The following OLFML2B variants were observed in gnomAD, a reference collection of about 807,000 sequenced individuals.
The protein encoded by OLFML2B is olfactomedin-like protein 2B.
OLFML2B carries 57 observed loss-of-function variants against 74.9 expected under a neutral mutation model. That is an observed-to-expected ratio of 0.76 (90% CI 0.61 to 0.95). OLFML2B has a LOEUF of 0.95. OLFML2B is among the 40% of genes least tolerant of loss of function. The pLI is 0.00. For synonymous variants in OLFML2B, 388 were observed against 405.8 expected, an observed-to-expected ratio of 0.96 and a Z score of 0.53; for missense variants, 986 against 970.6, an observed-to-expected ratio of 1.02 and a Z score of -0.21.
intron 3 of OLFML2B, 38 bp from the exon 4 acceptor site, chr1:162,006,511 C>G (rs760895923): frequency 1.4e-5 from 21 of 1,503,664 alleles, no homozygotes; most frequent in Non-Finnish European, 1.5e-5. Context: ...ATTAAAGCAC[C>G]CTGAAGACAA....
chr1:161,997,842 T>C lies in OLFML2B; in HGVS notation c.1457A>G (p.Asp486Gly), dbSNP rs1689955781. 6.2e-7 allele frequency: 1 copy of C among 1,613,076 alleles called. No individual in the cohort carries two copies. Among genetic ancestry groups the C allele is most frequent in the Admixed American group, 1.7e-5 (1 of 59,942 alleles). ...SPTLSPEEEDDIRNVIGRCKD... is the reference protein window; with the variant it reads ...SPTLSPEEEDGIRNVIGRCKD... ...GAACTTACCTATGACATTCCGGATG[T>C]CATCTTCTTCTTCGGGGCTCAGCGT... The change falls in exon 6 of 8, where the codon GAC becomes GGC. Residue 486 changes from aspartate to glycine, a missense_variant. Coordinates refer to ENST00000294794, the MANE Select transcript of OLFML2B (RefSeq NM_015441.3).
At chr1:161,997,698 A>G (rs1689951440) in intron 6 of OLFML2B, 127 bp downstream of exon 6, 1 of 1,000,810 alleles carries the variant, frequency 1.0e-6, no homozygotes, top group Non-Finnish European at 1.5e-6. Flanking sequence ...TCAAAGGCTT[A>G]ACTCCACTTG....
intron 5 of OLFML2B, among the ~76,000 whole-genome samples, chr1:161,998,660 A>G (rs1201842982): frequency 4.6e-5 from 7 of 152,112 alleles, no homozygotes. Flanking sequence ...CATCCAATCC[A>G]TCCTTCCAGC....
intron 5 of OLFML2B, among the ~76,000 whole-genome samples, chr1:161,999,008 G>A (rs375158178): frequency 4.6e-5 from 7 of 152,186 alleles, no homozygotes; most frequent in East Asian, 1.9e-4. Flanking sequence ...TGCGTGCAGC[G>A]GCCCAGGAGC....
intron 3 of OLFML2B, among the ~76,000 whole-genome samples, chr1:162,014,001 G>A (rs975735199): frequency 3.3e-5 from 5 of 151,556 alleles, no homozygotes; most frequent in East Asian, 3.9e-4. Flanking sequence ...TTAGGGATGC[G>A]TCCTTAAACG....
chr1:161,984,284 T>C lies in OLFML2B; in HGVS notation c.1652-8A>G. 6.6e-7 allele frequency: 1 copy of C among 1,517,252 alleles called. No homozygotes were observed. The highest frequency in any genetic ancestry group is 8.8e-7 in the Non-Finnish European group (1 of 1,133,614). 94.0% of individuals were successfully genotyped at this position (1,517,252 alleles called of 1,614,324 possible). On this transcript the variant is annotated splice_polypyrimidine_tract_variant and splice_region_variant and intron_variant, in intron 7 of 7. Coordinates refer to ENST00000294794, the MANE Select transcript of OLFML2B (RefSeq NM_015441.3). ...AGGAATTGCTCCAGCGACCTGCAGGTGGGGAGAAAACAGGAGGCTTCAGAG... is the reference window on the plus strand; with the variant it reads ...AGGAATTGCTCCAGCGACCTGCAGGCGGGGAGAAAACAGGAGGCTTCAGAG...
In OLFML2B at chr1:161,984,028, G is replaced by A; in HGVS notation, c.1900C>T (p.Pro634Ser). The change falls in exon 8 of 8, where the codon CCG becomes TCG. Residue 634 changes from proline (P) to serine (S), a missense_variant. By Grantham distance (74) the Pro-to-Ser change is moderately conservative. Transcript: ENST00000294794. ...CTGAAGCCCTCATCGTCCAGGGCCG[G>A]GTAGATGAGCCATAGGCCATTCTCG... ...VDENGLWLIY[P>S]ALDDEGFSQE... 3 of 1,614,188 alleles carry A rather than the reference G, an allele frequency of 1.9e-6. No homozygotes were observed. Among genetic ancestry groups the A allele is most frequent in the Non-Finnish European group, 1.7e-6 (2 of 1,180,042 alleles).
At chr1:162,012,572 C>G (rs753970917) in intron 3 of OLFML2B, among the ~76,000 whole-genome samples, 3 of 152,126 alleles carry the variant, frequency 2.0e-5, no homozygotes, top group Non-Finnish European at 4.4e-5. Context: ...AAGGTTCCCT[C>G]GTGCCATCTA....
Position 161,998,209 on chromosome 1 carries a change from G to T in OLFML2B, c.1090C>A (p.Leu364Met). 1 of 1,614,058 alleles carries T rather than the reference G, an allele frequency of 6.2e-7. No homozygotes were observed. The highest frequency in any genetic ancestry group is 8.5e-7 in the Non-Finnish European group (1 of 1,180,018). Reference protein sequence around the residue: ...QGHSTAVTSDLNARTAPWSSA... With the variant: ...QGHSTAVTSDMNARTAPWSSA... The stretch of plus-strand genomic sequence containing the variant: ...GACCAGGGTGCGGTCCGAGCGTTCA[G>T]GTCGCTTGTCACAGCAGTGCTGTGT... Residue 364 changes from leucine (L) to methionine (M), a missense_variant, in exon 6 of 8, where the codon CTG becomes ATG. Leu to Met is a conservative substitution (Grantham distance 15, BLOSUM62 2). Transcript: ENST00000294794.
chr1:162,008,505 A>C (rs1221848457), intron 3 of OLFML2B, among the ~76,000 whole-genome samples: 1 of 152,228 alleles, frequency 6.6e-6, no homozygotes, highest in African/African-American at 2.4e-5. Context: ...GACAGCTCTC[A>C]GCAGCACCAA....
At chr1:162,015,914 A>C (rs1442555648) in intron 3 of OLFML2B, among the ~76,000 whole-genome samples, 1 of 152,072 alleles carries the variant, frequency 6.6e-6, no homozygotes, top group African/African-American at 2.4e-5. Flanking sequence ...CAAAACCCTG[A>C]CCCCTCTCAT....
At chr1:161,988,295 C>T (rs1689644102) in intron 6 of OLFML2B, among the ~76,000 whole-genome samples, 1 of 152,134 alleles carries the variant, frequency 6.6e-6, no homozygotes. Context: ...ATATAAACCT[C>T]CTCAAATCTC....
At chr1:161,996,798 T>C (rs1391256105) in intron 6 of OLFML2B, among the ~76,000 whole-genome samples, 1 of 152,234 alleles carries the variant, frequency 6.6e-6, no homozygotes, top group Non-Finnish European at 1.5e-5. Context: ...GCATTCTCCA[T>C]GCTTCTGGAA....
In OLFML2B at chr1:161,997,758, G is replaced by T. The variant is rs1689952874; in HGVS notation, c.1474+67C>A. On this transcript the variant is annotated intron_variant, in intron 6 of 7. Coordinates refer to ENST00000294794, the MANE Select transcript of OLFML2B (RefSeq NM_015441.3). ...ATCTGGTGCCTCCCTCTCCTCTCAA[G>T]ATATTTCCAGGCTCAGCCTTTTACC... 2.6e-6 allele frequency: 4 copies of T among 1,510,256 alleles called. No homozygotes were observed. In the East Asian group the frequency reaches 9.1e-5, roughly 34 times the overall value. 93.6% of individuals were successfully genotyped at this position (1,510,256 alleles called of 1,614,324 possible). A position where few individuals can be genotyped will look rare whatever the true frequency, so the allele number is the denominator to read the frequency against.
intron 3 of OLFML2B, among the ~76,000 whole-genome samples, chr1:162,011,263 C>A (rs12121208): frequency 6.6e-6 from 1 of 152,174 alleles, no homozygotes; most frequent in Non-Finnish European, 1.5e-5. Flanking sequence ...TAGCTGGATG[C>A]GCACAGGGCT....
rs774328866 is a variant in OLFML2B, at chr1:161,998,364, C to T, written c.950-15G>A. The T allele has an allele frequency of 4.5e-6, 7 of 1,540,990 alleles. No homozygotes were observed. Among genetic ancestry groups the T allele is most frequent in the Non-Finnish European group, 6.1e-6 (7 of 1,139,158 alleles). On this transcript the variant is annotated splice_polypyrimidine_tract_variant and intron_variant, in intron 5 of 7. Transcript: ENST00000294794. Reference sequence around the variant, plus strand: ...AAACTCATCTTCTGTGAAACAAACACAAGGTTCACTGTGGCACGGGAAAGA... The same window carrying T: ...AAACTCATCTTCTGTGAAACAAACATAAGGTTCACTGTGGCACGGGAAAGA...
intron 6 of OLFML2B, among the ~76,000 whole-genome samples, chr1:161,993,087 CAG>C (rs1171883068): frequency 5.9e-5 from 9 of 152,098 alleles, no homozygotes; most frequent in Admixed American, 2.0e-4. Flanking sequence ...GAGAGAGAGA[CAG>C]AGAGAGAGGC....
intron 6 of OLFML2B, among the ~76,000 whole-genome samples, chr1:161,991,905 T>C (rs1689754289): frequency 6.6e-6 from 1 of 152,218 alleles, no homozygotes; most frequent in African/African-American, 2.4e-5. Flanking sequence ...TTTAGAATGG[T>C]AAATGAGCAC....
chr1:162,006,574 A>G (rs1033015464), intron 3 of OLFML2B, 101 bp from the exon 4 acceptor site: 20 of 914,694 alleles, frequency 2.2e-5, no homozygotes, highest in African/African-American at 6.6e-5. Context: ...CACAACAGAC[A>G]GGCTGAGAAA....
Sources: gnomAD v4.1 joint callset for allele counts (sites outside exome capture counted in the v4.1 genomes callset) on GRCh38, gnomAD v4.1.1 for gene constraint, MANE v1.5 for transcripts, NCBI Gene and HGNC (gene_info 2026-07-23, HGNC 2026-07-21) for gene names.